The following ANKLE1 variants were observed in gnomAD, a reference collection of about 807,000 sequenced individuals.
The protein encoded by ANKLE1 is ankyrin repeat and LEM domain containing 1, also known as structure-specific endonuclease ANKLE1.
A neutral mutation model predicts 56.2 loss-of-function variants in ANKLE1; 59 were observed. The ratio of observed to expected loss-of-function variants is 1.05; its 90% CI spans 0.85 to 1.30. The LOEUF (loss-of-function observed/expected upper bound fraction) is 1.30. Ranked by LOEUF, ANKLE1 falls within the 50% of genes most tolerant of loss-of-function variation. The pLI, the probability that ANKLE1 is intolerant of heterozygous loss-of-function variation, is 0.00. For synonymous variants in ANKLE1, 341 were observed against 352.9 expected (o/e 0.97, Z 0.38); for missense variants, 771 against 816.1 (o/e 0.94, Z 0.67).
At chr19:17,286,277 C>T in intron 8 of ANKLE1, 103 bp from the exon 9 acceptor site, 2 of 1,429,668 alleles carry the variant, frequency 1.4e-6, no homozygotes, top group Non-Finnish European at 1.9e-6. Context: ...GTTGGGATTA[C>T]AGGCGTGAGC....
In ANKLE1 at chr19:17,285,444, C is replaced by A. The variant is rs775940205; in HGVS notation, c.1390C>A (p.Leu464Met). The change falls in exon 7 of 9, where the codon CTG (leucine) becomes ATG (methionine). Residue 464 changes from leucine (L) to methionine (M), a missense_variant. Coordinates refer to ENST00000404085, the MANE Select transcript of ANKLE1 (RefSeq NM_152363.6). ...LLLDPRETQD[L>M]PARAFSLTPA... The stretch of plus-strand genomic sequence containing the variant: ...CCCTTCATCCAGGGAGACTCAGGAC[C>A]TGCCAGCCCGAGCCTTCTCACTGAC... 7 of 1,613,788 alleles carry A rather than the reference C, an allele frequency of 4.3e-6. 1 individual carries two copies. The South Asian group carries it at 7.7e-5, about 18-fold the overall frequency.
At position 17,286,692 on chromosome 19, in the gene ANKLE1, TTG is replaced by T. The variant is rs71180380; in HGVS notation, c.*160_*161del. The T allele has an allele frequency of 1.3e-4, 119 of 939,434 alleles. No homozygotes were observed. The East Asian group carries it at 3.6e-3, about 29-fold the overall frequency. The allele number at this position is 939,434 out of a possible 1,614,324, so 58.2% of individuals were successfully genotyped here. On this transcript the variant is annotated 3_prime_UTR_variant, in exon 9 of 9. Transcript: ENST00000404085. Reference sequence around the variant, plus strand: ...TGTGTGTGTGTGTGTGTGTGTGTGTTTGTGTGTGTGTGTGTGTGTGTAGGGAG... The same window carrying T: ...TGTGTGTGTGTGTGTGTGTGTGTGTTTGTGTGTGTGTGTGTGTGTAGGGAG...
At chr19:17,286,345 G>A (rs2074029977) in intron 8 of ANKLE1, 35 bp from the exon 9 acceptor site, 1 of 1,527,564 alleles carries the variant, frequency 6.5e-7, no homozygotes, top group African/African-American at 1.4e-5. Flanking sequence ...GTGTCCCCAT[G>A]GCTGCCCCTG....
chr19:17,286,529 C>T lies in ANKLE1; in HGVS notation c.1825C>T (p.Gln609Ter). The part of the protein sequence containing the change: ...LAEGERQLHP[Q>*]DIQARG ...TGAAGGCGAGCGACAGCTTCATCCC[C>T]AGGACATCCAGGCCCGGGGCTGAGT... The change falls in exon 9 of 9, where the codon CAG becomes TAG. Residue 609 changes from glutamine to a stop codon, truncating the protein, a stop_gained. Coordinates refer to ENST00000404085, the MANE Select transcript of ANKLE1 (RefSeq NM_152363.6). LOFTEE classifies it high-confidence loss of function. The T allele has an allele frequency of 6.2e-7, 1 of 1,609,248 alleles. No individual in the cohort carries two copies. The highest frequency in any genetic ancestry group is 8.5e-7 in the Non-Finnish European group (1 of 1,178,296).
chr19:17,283,581 G>A lies in ANKLE1; in HGVS notation c.817G>A (p.Ala273Thr). ...RSQGTEAELN[A>T]RLQALTLTPP... Reference sequence around the variant, plus strand: ...TCAGGGCACGGAGGCAGAACTGAATGCCCGTCTGCAGGCCCTGACTCTGAC... The same window carrying A: ...TCAGGGCACGGAGGCAGAACTGAATACCCGTCTGCAGGCCCTGACTCTGAC... The change falls in exon 5 of 9, where the codon GCC (alanine) becomes ACC (threonine). Residue 273 changes from alanine (A) to threonine (T), a missense_variant. By Grantham distance (58) the Ala-to-Thr change is moderately conservative. Transcript: ENST00000404085. 1 of 1,612,294 alleles carries A rather than the reference G, an allele frequency of 6.2e-7. No individual in the cohort carries two copies. The highest frequency in any genetic ancestry group is 8.5e-7 in the Non-Finnish European group (1 of 1,179,244).
In ANKLE1 at chr19:17,286,479, A is replaced by G. The variant is rs1376593079; in HGVS notation, c.1775A>G (p.His592Arg). 1 of 1,612,576 alleles carries G rather than the reference A, an allele frequency of 6.2e-7. No individual in the cohort carries two copies. The highest frequency in any genetic ancestry group is 8.5e-7 in the Non-Finnish European group (1 of 1,179,796). ...RRRRLGVHLL[H>R]RALLVFLAEG... is the part of the protein sequence containing the mutation. ...CGGCGCTTGGGGGTGCACCTGCTGC[A>G]CCGTGCCCTCCTTGTCTTCCTGGCT... Residue 592 changes from histidine to arginine, a missense_variant, in exon 9 of 9, where the codon CAC becomes CGC. Transcript: ENST00000404085.
chr19:17,281,904 T>C lies in ANKLE1; in HGVS notation c.-17T>C. On this transcript the variant is annotated 5_prime_UTR_variant, in exon 1 of 9. Transcript: ENST00000404085. ...AAATCGACCGACCAGGCGGTGCGCTTCGGACCCAGCCAGGGCATGTGCTCG... is the reference window on the plus strand; with the variant it reads ...AAATCGACCGACCAGGCGGTGCGCTCCGGACCCAGCCAGGGCATGTGCTCG... 1 of 1,535,240 alleles carries C rather than the reference T, an allele frequency of 6.5e-7. No homozygotes were observed. The highest frequency in any genetic ancestry group is 8.7e-7 in the Non-Finnish European group (1 of 1,146,372).
rs2074036856 is a variant in ANKLE1, at chr19:17,286,670, GT to G, written c.*119del. On this transcript the variant is annotated 3_prime_UTR_variant, in exon 9 of 9. Coordinates refer to ENST00000404085, the MANE Select transcript of ANKLE1 (RefSeq NM_152363.6). ...GGGGTGTGTGTGTGTGTGTGTGTGT[GT>G]GTGTGTGTGTGTGTGTGTGTTTGTG... is the stretch of plus-strand genomic sequence containing the variant. 1 of 1,095,614 alleles carries G rather than the reference GT, an allele frequency of 9.1e-7. No homozygotes were observed. 67.9% of individuals were successfully genotyped at this position (1,095,614 alleles called of 1,614,324 possible).
Position 17,284,236 on chromosome 19 carries a change from C to G in ANKLE1, c.1346C>G (p.Ser449Cys). 2 of 1,613,814 alleles carry G rather than the reference C, an allele frequency of 1.2e-6. No individual in the cohort carries two copies. Among genetic ancestry groups the G allele is most frequent in the Non-Finnish European group, 1.7e-6 (2 of 1,179,870 alleles). ...AGGTGGCGGGAGGGGGTCGTGAAGT[C>G]TAGCTTCACCTATCTGCTGCTGGAC... ...ARRWREGVVK[S>C]SFTYLLLDPR... Residue 449 changes from serine (S) to cysteine (C), a missense_variant, in exon 6 of 9, where the codon TCT (serine) becomes TGT (cysteine). Ser to Cys is a moderately radical substitution (Grantham distance 112, BLOSUM62 -1). Transcript: ENST00000404085.
In ANKLE1 at chr19:17,282,900, G is replaced by A. The variant is rs566958829; in HGVS notation, c.358G>A (p.Gly120Arg). The change falls in exon 4 of 9, where the codon GGA becomes AGA. Residue 120 changes from glycine (G) to arginine (R), a missense_variant. Physicochemically the swap from Gly to Arg is moderately radical, Grantham distance 125 (BLOSUM62 -2). Coordinates refer to ENST00000404085, the MANE Select transcript of ANKLE1 (RefSeq NM_152363.6). ...GCCGCTGGACCTGGCCCTGCAGCAG[G>A]GACACCTGGAGTGCGCGCGAGTCCT... ...LRPLDLALQQ[G>R]HLECARVLQD... is the part of the protein sequence containing the mutation. 20 of 1,577,564 alleles carry A rather than the reference G, an allele frequency of 1.3e-5. No individual in the cohort carries two copies. The South Asian group carries it at 2.1e-4, about 16-fold the overall frequency.
rs759287148 is a variant in ANKLE1 at position 17,285,420 on chromosome 19, C to G, written c.1377-11C>G. 6.2e-7 allele frequency: 1 copy of G among 1,613,324 alleles called. No homozygotes were observed. Among genetic ancestry groups the G allele is most frequent in the African/African-American group, 1.3e-5 (1 of 74,908 alleles). On this transcript the variant is annotated splice_polypyrimidine_tract_variant and intron_variant, in intron 6 of 8. Coordinates refer to ENST00000404085, the MANE Select transcript of ANKLE1 (RefSeq NM_152363.6). ...CCACTTTTCCCTGTCTGAGCTATCC[C>G]CTTCATCCAGGGAGACTCAGGACCT...
chr19:17,286,381 G>T lies in ANKLE1; in HGVS notation c.1677G>T (p.Gly559=). The part of the protein sequence containing the change: ...TREACIVEAL[G]IQTLTNQKQG... Reference sequence around the variant, plus strand: ...TGACCCCACATCCAATTTCTCCAGGGATCCAGACGCTCACCAACCAGAAGC... The same window carrying T: ...TGACCCCACATCCAATTTCTCCAGGTATCCAGACGCTCACCAACCAGAAGC... Residue 559 remains glycine (G), a splice_region_variant and synonymous_variant, in exon 9 of 9, where the codon GGG becomes GGT. Transcript: ENST00000404085. 6.4e-7 allele frequency: 1 copy of T among 1,559,976 alleles called. No homozygotes were observed. Among genetic ancestry groups the T allele is most frequent in the Non-Finnish European group, 8.7e-7 (1 of 1,148,462 alleles).
Position 17,282,760 on chromosome 19 carries a change from A to C in ANKLE1, c.320A>C (p.Gln107Pro), listed in dbSNP as rs2073987480. Residue 107 changes from glutamine (Q) to proline (P), a missense_variant and splice_region_variant, in exon 3 of 9, where the codon CAG becomes CCG. Physicochemically the swap from Gln to Pro is moderately conservative, Grantham distance 76. Transcript: ENST00000404085. ...GGAGCGGACCCGGCGCTGCGCGACC[A>C]GGTTGGGAGGCACTGCGCGGGCAAA... ...SQGADPALRD[Q>P]DGLRPLDLAL... is the part of the protein sequence containing the mutation. 1 of 1,550,138 alleles carries C rather than the reference A, an allele frequency of 6.5e-7. No homozygotes were observed. Among genetic ancestry groups the C allele is most frequent in the African/African-American group, 1.4e-5 (1 of 73,660 alleles).
chr19:17,282,927 C>T lies in ANKLE1; in HGVS notation c.385C>T (p.Gln129Ter), dbSNP rs1232278695. The change falls in exon 4 of 9, where the codon CAG (glutamine) becomes TAG (stop). Residue 129 changes from glutamine (Q) to a stop codon, truncating the protein, a stop_gained. Coordinates refer to ENST00000404085, the MANE Select transcript of ANKLE1 (RefSeq NM_152363.6). LOFTEE classifies it high-confidence loss of function. ...ACACCTGGAGTGCGCGCGAGTCCTGCAGGATCTCGACACGCGGACCAGGAC... is the reference window on the plus strand; with the variant it reads ...ACACCTGGAGTGCGCGCGAGTCCTGTAGGATCTCGACACGCGGACCAGGAC... Reference protein sequence around the residue: ...QGHLECARVLQDLDTRTRTRT... With the variant: ...QGHLECARVL 8 of 1,572,042 alleles carry T rather than the reference C, an allele frequency of 5.1e-6. No homozygotes were observed. The highest frequency in any genetic ancestry group is 1.3e-5 in the African/African-American group (1 of 74,318).
rs201330763 is a variant in ANKLE1, at chr19:17,284,218, G to A, written c.1328G>A (p.Arg443Gln). 6.2e-6 allele frequency: 10 copies of A among 1,613,808 alleles called. No individual in the cohort carries two copies. In the East Asian group the frequency reaches 8.9e-5, roughly 14 times the overall value. The stretch of plus-strand genomic sequence containing the variant: ...CAGCCAGATCCTGCCAGGAGGTGGC[G>A]GGAGGGGGTCGTGAAGTCTAGCTTC... ...FEQPDPARRW[R>Q]EGVVKSSFTY... The change falls in exon 6 of 9, where the codon CGG becomes CAG. Residue 443 changes from arginine to glutamine, a missense_variant. Transcript: ENST00000404085.
At position 17,286,251 on chromosome 19, in the gene ANKLE1, G is replaced by A. The variant is rs367599837; in HGVS notation, c.1676-129G>A. Reference sequence around the variant, plus strand: ...GCTGGTCTCGAACTCCTGGCTTCATGTGATCTACCCAAAGTGTTGGGATTA... The same window carrying A: ...GCTGGTCTCGAACTCCTGGCTTCATATGATCTACCCAAAGTGTTGGGATTA... On this transcript the variant is annotated intron_variant, in intron 8 of 8. Coordinates refer to ENST00000404085, the MANE Select transcript of ANKLE1 (RefSeq NM_152363.6). The A allele has an allele frequency of 4.7e-6, 6 of 1,272,154 alleles. No individual in the cohort carries two copies. In the East Asian group the frequency reaches 1.0e-4, roughly 22 times the overall value. 78.8% of individuals were successfully genotyped at this position (1,272,154 alleles called of 1,614,324 possible).
At position 17,283,758 on chromosome 19, in the gene ANKLE1, G is replaced by T. The variant is rs754461914; in HGVS notation, c.994G>T (p.Ala332Ser). ...CCAGACATCCATTGATAGTGACATG[G>T]CCACGCTCTGGCTGACAGAGGATGA... Reference protein sequence around the residue: ...EHQTSIDSDMATLWLTEDEAS... With the variant: ...EHQTSIDSDMSTLWLTEDEAS... Residue 332 changes from alanine (A) to serine (S), a missense_variant, in exon 5 of 9, where the codon GCC (alanine) becomes TCC (serine). Coordinates refer to ENST00000404085, the MANE Select transcript of ANKLE1 (RefSeq NM_152363.6). 1 of 1,613,618 alleles carries T rather than the reference G, an allele frequency of 6.2e-7. No individual in the cohort carries two copies. Among genetic ancestry groups the T allele is most frequent in the Non-Finnish European group, 8.5e-7 (1 of 1,179,900 alleles).
In ANKLE1 at chr19:17,284,250, C is replaced by T; in HGVS notation, c.1360C>T (p.Leu454=). The part of the protein sequence containing the change: ...EGVVKSSFTY[L]LLDPRETQDL... ...GGTCGTGAAGTCTAGCTTCACCTAT[C>T]TGCTGCTGGACCCCAGGTACTCAGG... is the stretch of plus-strand genomic sequence containing the variant. The change falls in exon 6 of 9, where the codon CTG becomes TTG. Residue 454 remains leucine, a synonymous_variant. Coordinates refer to ENST00000404085, the MANE Select transcript of ANKLE1 (RefSeq NM_152363.6). 6.2e-7 allele frequency: 1 copy of T among 1,613,710 alleles called. No homozygotes were observed. The highest frequency in any genetic ancestry group is 2.2e-5 in the East Asian group (1 of 44,878).
rs1481034115 is a variant in ANKLE1, at chr19:17,281,920, C to T, written c.-1C>T. 3 of 1,534,928 alleles carry T rather than the reference C, an allele frequency of 2.0e-6. No homozygotes were observed. The highest frequency in any genetic ancestry group is 2.7e-5 in the African/African-American group (2 of 72,960). On this transcript the variant is annotated 5_prime_UTR_variant, in exon 1 of 9. Coordinates refer to ENST00000404085, the MANE Select transcript of ANKLE1 (RefSeq NM_152363.6). ...CGGTGCGCTTCGGACCCAGCCAGGG[C>T]ATGTGCTCGGAGGCCCGCCTGGCTC...
Sources: allele counts gnomAD v4.1 joint callset, GRCh38; gene constraint gnomAD v4.1.1; transcripts MANE v1.5; gene names NCBI Gene and HGNC (gene_info 2026-07-23, HGNC 2026-07-21).